The following CPM variants were observed in gnomAD, a reference collection of about 807,000 sequenced individuals.
CPM encodes the protein carboxypeptidase M.
A neutral mutation model predicts 46.4 loss-of-function variants in CPM; 35 were observed. That is an observed-to-expected ratio of 0.75 (90% CI 0.58 to 1.00). The LOEUF is 1.00. Ranked by LOEUF, CPM falls within the 50% of genes least tolerant of loss-of-function variation. The pLI is 0.00. For missense variants in CPM, 422 were observed against 530.4 expected, an observed-to-expected ratio of 0.80 and a Z score of 2.01; for synonymous variants, 195 against 195.3, an observed-to-expected ratio of 1.00 and a Z score of 0.01.
chr12:68,930,197 C>T (rs1396115431), intron 2 of CPM, among the ~76,000 whole-genome samples: 3 of 152,190 alleles, frequency 2.0e-5, no homozygotes, highest in Admixed American at 1.3e-4. Context: ...TCTCCGGTCT[C>T]AGCCTCTCTA....
chr12:68,874,988 G>A (rs1431979955), intron 3 of CPM, among the ~76,000 whole-genome samples: 6 of 152,178 alleles, frequency 3.9e-5, no homozygotes, highest in Admixed American at 3.9e-4. Flanking sequence ...AGGAGGCTAG[G>A]TTGAGTTGGT....
chr12:68,939,148 TATA>T (rs1185793116), intron 1 of CPM, among the ~76,000 whole-genome samples: 3 of 145,842 alleles, frequency 2.1e-5, no homozygotes, highest in South Asian at 2.1e-4. Context: ...TACATATATC[TATA>T]ATAATATATA....
At chr12:68,960,495 C>A (rs1889092639) in intron 1 of CPM, among the ~76,000 whole-genome samples, 1 of 152,100 alleles carries the variant, frequency 6.6e-6, no homozygotes, top group Non-Finnish European at 1.5e-5. Context: ...ATCAGTATGA[C>A]CATTGTGTAT....
chr12:68,950,574 C>T (rs998224582), intron 1 of CPM, among the ~76,000 whole-genome samples: 2 of 152,172 alleles, frequency 1.3e-5, no homozygotes, highest in Non-Finnish European at 2.9e-5. Context: ...TTTTTATGCT[C>T]AGAAGGTCAG....
intron 1 of CPM, among the ~76,000 whole-genome samples, chr12:68,961,106 G>A (rs1889104085): frequency 6.6e-6 from 1 of 152,130 alleles, no homozygotes; most frequent in South Asian, 2.1e-4. Flanking sequence ...AATATCAGAA[G>A]GATGAGAAGA....
intron 3 of CPM, among the ~76,000 whole-genome samples, chr12:68,876,645 C>T (rs1199304438): frequency 6.6e-6 from 1 of 152,124 alleles, no homozygotes; most frequent in African/African-American, 2.4e-5. Flanking sequence ...ATGGACACAC[C>T]GGCCTCCGGA....
At chr12:68,939,746 CAAA>C (rs1888732375) in intron 1 of CPM, among the ~76,000 whole-genome samples, 1 of 151,918 alleles carries the variant, frequency 6.6e-6, no homozygotes, top group South Asian at 2.1e-4. Flanking sequence ...TTTTTCTGAC[CAAA>C]GGTCATTCCA....
intron 3 of CPM, among the ~76,000 whole-genome samples, chr12:68,876,830 T>C (rs1885970617): frequency 6.6e-6 from 1 of 152,080 alleles, no homozygotes; most frequent in South Asian, 2.1e-4. Flanking sequence ...GAAAAAAATT[T>C]TTGAAGGAAC....
chr12:68,859,537 A>G (rs950076601), intron 7 of CPM, among the ~76,000 whole-genome samples: 5 of 152,244 alleles, frequency 3.3e-5, no homozygotes, highest in African/African-American at 7.2e-5. Flanking sequence ...TATAATCACA[A>G]GGCTTCTTGG....
intron 3 of CPM, among the ~76,000 whole-genome samples, chr12:68,880,995 G>A (rs562585508): frequency 3.5e-4 from 54 of 152,278 alleles, no homozygotes; most frequent in Non-Finnish European, 6.8e-4. Context: ...AAGAGAATAC[G>A]TGAAATTCAT....
intron 5 of CPM, chr12:68,842,535 CAG>C (rs1555189311): frequency 2.1e-5 from 7 of 336,386 alleles, no homozygotes; most frequent in African/African-American, 7.9e-5. Context: ...GTCTACAAAA[CAG>C]ATAATATGGA....
At position 68,941,099 on chromosome 12, in the gene CPM, G is replaced by A. The variant is rs937605632; in HGVS notation, c.-3-8259C>T. ...TGCAATATTTGTCTTTTTGTGACTGGCTTATTTCTGTTCCATTGGTCAATT... is the reference window on the plus strand; with the variant it reads ...TGCAATATTTGTCTTTTTGTGACTGACTTATTTCTGTTCCATTGGTCAATT... On this transcript the variant is annotated intron_variant, in intron 1 of 8. Coordinates refer to the CPM transcript ENST00000546373. Among the ~76,000 whole-genome samples, 3 of 151,046 alleles carry A rather than the reference G, an allele frequency of 2.0e-5. No homozygotes were observed. The Admixed American group carries it at 2.0e-4, about 10-fold the overall frequency.
At chr12:68,844,897 A>G (rs889399914) in intron 5 of CPM, 2 of 200,760 alleles carry the variant, frequency 1.0e-5, no homozygotes, top group Admixed American at 6.0e-5. Flanking sequence ...CCTCCCAAGT[A>G]GCTGGGGTTA....
intron 2 of CPM, among the ~76,000 whole-genome samples, chr12:68,893,984 C>A (rs1886762529): frequency 6.6e-6 from 1 of 152,086 alleles, no homozygotes; most frequent in South Asian, 2.1e-4. Context: ...GTATGCTAAC[C>A]CTGCAATGGC....
chr12:68,933,577 G>A (rs1888606427), upstream of CPM, among the ~76,000 whole-genome samples: 1 of 152,032 alleles, frequency 6.6e-6, no homozygotes, highest in Admixed American at 6.5e-5. Flanking sequence ...TGCGGTTGGC[G>A]GTGCCGGGGC....
rs555507837 is a variant in CPM, at chr12:68,852,156, A to G, written c.*4281T>C. The G allele has an allele frequency of 1.3e-5, 2 of 152,354 alleles. No homozygotes were observed. The highest frequency in any genetic ancestry group is 4.1e-4 in the South Asian group (2 of 4,828). The allele number at this position is 152,354 out of a possible 1,614,324, so 9.4% of individuals were successfully genotyped here. A position where few individuals can be genotyped will look rare whatever the true frequency, so the allele number is the denominator to read the frequency against. On this transcript the variant is annotated 3_prime_UTR_variant, in exon 9 of 9. Transcript: ENST00000551568. ...ATTGATTTCTTGGAAAGACTTTTGG[A>G]AATGTTGAGAAAAAGCTTTTAACAT...
intron 2 of CPM, among the ~76,000 whole-genome samples, chr12:68,916,888 C>CA (rs779418018): frequency 0.014 from 1,146 of 81,918 alleles, 15 homozygotes; most frequent in East Asian, 0.035. Context: ...ACTCTTGTCT[C>CA]AAAAAAAAAA....
intron 5 of CPM, chr12:68,845,768 G>GTTTGT (rs1347188962): frequency 6.4e-6 from 1 of 155,766 alleles, no homozygotes; most frequent in Non-Finnish European, 1.4e-5. Flanking sequence ...TTCACCTTTT[G>GTTTGT]TTTGTTTTGT....
intron 2 of CPM, among the ~76,000 whole-genome samples, chr12:68,911,127 T>C (rs1887579456): frequency 6.6e-6 from 1 of 152,214 alleles, no homozygotes; most frequent in Non-Finnish European, 1.5e-5. Context: ...TGAGTCTTTT[T>C]GGCCAAACAT....
Sources: gnomAD v4.1 joint callset for allele counts (sites outside exome capture counted in the v4.1 genomes callset) on GRCh38, gnomAD v4.1.1 for gene constraint, MANE v1.5 for transcripts, NCBI Gene and HGNC (gene_info 2026-07-23, HGNC 2026-07-21) for gene names.